LRRC37A3: variants seen among roughly 807,000 people sequenced by gnomAD.
LRRC37A3 encodes the protein leucine rich repeat containing 37 member A3.
LRRC37A3 carries 25 observed loss-of-function variants against 106.2 expected under a neutral mutation model. The ratio of observed to expected loss-of-function variants is 0.24; its 90% CI spans 0.17 to 0.33. LRRC37A3 has a LOEUF of 0.33. LRRC37A3 is among the 10% of genes least tolerant of loss of function. The pLI, the probability that LRRC37A3 is intolerant of heterozygous loss-of-function variation, is 1.00. For synonymous variants in LRRC37A3, 305 were observed against 635.8 expected (o/e 0.48, Z 7.83); for missense variants, 712 against 1,644.9 (o/e 0.43, Z 9.81).
chr17:64,896,778 A>G lies in LRRC37A3; in HGVS notation c.480T>C (p.Leu160=), dbSNP rs1974130775. The change falls in exon 4 of 15, where the codon CTT becomes CTC. Residue 160 remains leucine, a synonymous_variant. Transcript: ENST00000584306. ...LKKDPAQRWS[L]AEIIGIIHQL... ...GGTGTATAATTCCAATAATCTCAGC[A>G]AGGCTCCAACGCTGAGCTGGATCTT... is the stretch of plus-strand genomic sequence containing the variant. 1 of 1,607,942 alleles carries G rather than the reference A, an allele frequency of 6.2e-7. No homozygotes were observed. The highest frequency in any genetic ancestry group is 8.5e-7 in the Non-Finnish European group (1 of 1,179,966).
At chr17:64,917,130 C>T (rs1380810081) in intron 2 of LRRC37A3, among the ~76,000 whole-genome samples, 1 of 150,458 alleles carries the variant, frequency 6.6e-6, no homozygotes, top group African/African-American at 2.5e-5. Context: ...CCTGTAGTCC[C>T]AGCTACACGG....
chr17:64,909,576 A>C (rs1019658338), intron 2 of LRRC37A3: 1 of 152,160 alleles, frequency 6.6e-6, no homozygotes, highest in Non-Finnish European at 1.5e-5. Flanking sequence ...CCTTCTCCCC[A>C]AATAATTCTG....
intron 2 of LRRC37A3, among the ~76,000 whole-genome samples, chr17:64,900,339 G>GT (rs1346635386): frequency 3.5e-4 from 42 of 119,562 alleles, no homozygotes; most frequent in Non-Finnish European, 5.1e-4. Flanking sequence ...TGGCCTGTTT[G>GT]TTTTTTGAGA....
At chr17:64,861,528 C>T (rs1972871436) in intron 11 of LRRC37A3, among the ~76,000 whole-genome samples, 1 of 152,346 alleles carries the variant, frequency 6.6e-6, no homozygotes, top group Non-Finnish European at 1.5e-5. Context: ...TCCACCCACC[C>T]CATTCTCTGC....
intron 2 of LRRC37A3, among the ~76,000 whole-genome samples, chr17:64,918,506 T>A (rs1332646895): frequency 6.6e-6 from 1 of 152,172 alleles, no homozygotes; most frequent in Non-Finnish European, 1.5e-5. Flanking sequence ...ATGACAAAAC[T>A]TTATTCCTAG....
chr17:64,909,023 C>A (rs1974525311), intron 2 of LRRC37A3, among the ~76,000 whole-genome samples: 1 of 152,104 alleles, frequency 6.6e-6, no homozygotes, highest in African/African-American at 2.4e-5. Flanking sequence ...GATCCACCCG[C>A]TTCAGCCTCC....
chr17:64,915,758 A>G (rs1567789525), intron 2 of LRRC37A3, among the ~76,000 whole-genome samples: 1 of 152,228 alleles, frequency 6.6e-6, no homozygotes, highest in African/African-American at 2.4e-5. Context: ...ACACAGCCTA[A>G]CAAAGCACTT....
In LRRC37A3 at chr17:64,915,223, T is replaced by C. The variant is rs572554090; in HGVS notation, c.-496+3527A>G. Among the ~76,000 whole-genome samples, 70 of 151,878 alleles carry C rather than the reference T, an allele frequency of 4.6e-4. 3 individuals carry two copies. In the South Asian group the frequency reaches 0.014, roughly 30 times the overall value. On this transcript the variant is annotated intron_variant, in intron 2 of 14. Transcript: ENST00000584306. ...TACACACTGTATGAATCTATCAAAA[T>C]ATTGCATGTACCCTTATAAATATGT...
intron 2 of LRRC37A3, among the ~76,000 whole-genome samples, chr17:64,904,675 CTCCTACGCT>C (rs1379319774): frequency 8.4e-6 from 1 of 118,894 alleles, no homozygotes; most frequent in Non-Finnish European, 1.6e-5. Flanking sequence ...TTCCTTCTTC[CTCCTACGCT>C]TCTTGGCAGG....
chr17:64,872,078 G>A (rs1378028305), intron 8 of LRRC37A3, among the ~76,000 whole-genome samples: 3 of 138,004 alleles, frequency 2.2e-5, no homozygotes, highest in Non-Finnish European at 3.1e-5. Context: ...CTTGCAGTGA[G>A]ATGAGATTAT....
Position 64,859,778 on chromosome 17 carries a change from G to C in LRRC37A3, c.4368C>G (p.Pro1456=), listed in dbSNP as rs146421643. The change falls in exon 12 of 15, where the codon CCC becomes CCG. Residue 1456 remains proline (P), a synonymous_variant. Coordinates refer to ENST00000584306, the MANE Select transcript of LRRC37A3 (RefSeq NM_199340.5). ...ATGGGTAATTGAAGCTTTTGGGCTC[G>C]GGGGACAGGTCAGTGCCCACGTTGT... ...EYNNVGTDLS[P]EPKSFNYPLL... is the part of the protein sequence containing the mutation. 108 of 1,612,192 alleles carry C rather than the reference G, an allele frequency of 6.7e-5. No individual in the cohort carries two copies. Among genetic ancestry groups the C allele is most frequent in the Non-Finnish European group, 9.1e-5 (107 of 1,179,938 alleles).
Position 64,854,587 on chromosome 17 carries a change from T to C in LRRC37A3, c.*12A>G, listed in dbSNP as rs1258628650. 3.1e-6 allele frequency: 5 copies of C among 1,613,970 alleles called. No individual in the cohort carries two copies. Among genetic ancestry groups the C allele is most frequent in the Non-Finnish European group, 4.2e-6 (5 of 1,179,864 alleles). On this transcript the variant is annotated 3_prime_UTR_variant, in exon 15 of 15. Coordinates refer to ENST00000584306, the MANE Select transcript of LRRC37A3 (RefSeq NM_199340.5). Reference sequence around the variant, plus strand: ...TTTTTGCAGGAGGCCTGAGGTGGGCTGGGTTCTCCTCCTATGGCAGGGCTT... The same window carrying C: ...TTTTTGCAGGAGGCCTGAGGTGGGCCGGGTTCTCCTCCTATGGCAGGGCTT...
At chr17:64,876,205 G>A (rs956279269) in intron 8 of LRRC37A3, among the ~76,000 whole-genome samples, 41 of 152,132 alleles carry the variant, frequency 2.7e-4, no homozygotes, top group African/African-American at 9.2e-4. Context: ...CATTTTTCAA[G>A]ACAGGTTTTC....
At position 64,854,209 on chromosome 17, in the gene LRRC37A3, C is replaced by A. The variant is rs990125493; in HGVS notation, c.*390G>T. Reference sequence around the variant, plus strand: ...TACCAAGTCGGGATGAACATTCATGCGTGTGCTTGAGGGCTTGGGAAAAAG... The same window carrying A: ...TACCAAGTCGGGATGAACATTCATGAGTGTGCTTGAGGGCTTGGGAAAAAG... On this transcript the variant is annotated 3_prime_UTR_variant, in exon 15 of 15. Transcript: ENST00000584306. The A allele has an allele frequency of 3.3e-6, 1 of 301,988 alleles. No individual in the cohort carries two copies. The allele number at this position is 301,988 out of a possible 1,614,324, so 18.7% of individuals were successfully genotyped here.
chr17:64,866,614 ATATATATATATATATTTTT>A (rs1486640395), intron 10 of LRRC37A3, among the ~76,000 whole-genome samples: 2 of 23,116 alleles, frequency 8.7e-5, no homozygotes, highest in African/African-American at 4.3e-4. Flanking sequence ...ATATATATAT[ATATATATATATATATTTTT>A]TTTTTTTTTT....
chr17:64,912,953 T>C (rs981506769), intron 2 of LRRC37A3, among the ~76,000 whole-genome samples: 2 of 148,056 alleles, frequency 1.4e-5, no homozygotes, highest in African/African-American at 5.0e-5. Context: ...GAGAAAGATA[T>C]GTCATTTTAA....
intron 6 of LRRC37A3, among the ~76,000 whole-genome samples, chr17:64,887,672 ATAT>A (rs1973868075): frequency 1.5e-4 from 1 of 6,880 alleles, no homozygotes; most frequent in Non-Finnish European, 2.2e-4. Context: ...AATTCAAATC[ATAT>A]TAATAGAATT....
Position 64,860,449 on chromosome 17 carries a change from T to C in LRRC37A3, c.3697A>G (p.Thr1233Ala). 2 of 1,613,902 alleles carry C rather than the reference T, an allele frequency of 1.2e-6. No individual in the cohort carries two copies. The highest frequency in any genetic ancestry group is 8.5e-7 in the Non-Finnish European group (1 of 1,179,858). Reference protein sequence around the residue: ...PEKLAGNAVYTKPSFTQEHKA... With the variant: ...PEKLAGNAVYAKPSFTQEHKA... ...TGCTCTTGGGTGAACGAAGGCTTGGTGTAGACGGCGTTTCCCGCTAACTTC... is the reference window on the plus strand; with the variant it reads ...TGCTCTTGGGTGAACGAAGGCTTGGCGTAGACGGCGTTTCCCGCTAACTTC... Residue 1233 changes from threonine to alanine, a missense_variant, in exon 12 of 15, where the codon ACC becomes GCC. Coordinates refer to ENST00000584306, the MANE Select transcript of LRRC37A3 (RefSeq NM_199340.5).
intron 2 of LRRC37A3, among the ~76,000 whole-genome samples, chr17:64,909,271 G>GA (rs60759769): frequency 1.1e-4 from 17 of 151,524 alleles, no homozygotes; most frequent in South Asian, 6.3e-4. Flanking sequence ...GGAAAAAAAA[G>GA]AAAAAAAACA....
Sources: allele counts gnomAD v4.1 joint callset (sites outside exome capture counted in the v4.1 genomes callset), GRCh38; gene constraint gnomAD v4.1.1; transcripts MANE v1.5; gene names NCBI Gene and HGNC (gene_info 2026-07-23, HGNC 2026-07-21).